PDE1C: variants seen among roughly 807,000 people sequenced by gnomAD.
PDE1C encodes the protein phosphodiesterase 1C.
A neutral mutation model predicts 93.1 loss-of-function variants in PDE1C; 62 were observed. The ratio of observed to expected loss-of-function variants is 0.67; its 90% CI spans 0.54 to 0.82. The LOEUF (loss-of-function observed/expected upper bound fraction) is 0.82. Ranked by LOEUF, PDE1C falls within the 40% of genes least tolerant of loss-of-function variation. PDE1C has a pLI of 0.00. For synonymous variants in PDE1C, 325 were observed against 310.1 expected, an observed-to-expected ratio of 1.05 and a Z score of -0.50; for missense variants, 742 against 884.6, an observed-to-expected ratio of 0.84 and a Z score of 2.04.
the PDE1C span, among the ~76,000 whole-genome samples, chr7:31,634,988 G>A: frequency 4.6e-5 from 7 of 152,276 alleles, no homozygotes; most frequent in South Asian, 2.1e-4. Context: ...TTGGCCAGGC[G>A]TGCTGGTACC....
In PDE1C at chr7:32,081,190, T is replaced by A. The variant is rs115660169; in HGVS notation, c.308+88595A>T. On this transcript the variant is annotated intron_variant, in intron 3 of 18. Coordinates refer to the PDE1C transcript ENST00000396193. Reference sequence around the variant, plus strand: ...AAGAAATGAAAATTGTTCTCCTCAATGGGATTTAGGAAGCACTTGGGAATT... The same window carrying A: ...AAGAAATGAAAATTGTTCTCCTCAAAGGGATTTAGGAAGCACTTGGGAATT... Among the ~76,000 whole-genome samples, 193 of 152,302 alleles carry A rather than the reference T, an allele frequency of 1.3e-3. 1 individual carries two copies. Among genetic ancestry groups the A allele is most frequent in the African/African-American group, 4.5e-3 (187 of 41,566 alleles).
chr7:32,192,063 G>A (rs528649420), intron 2 of PDE1C, among the ~76,000 whole-genome samples: 4 of 151,896 alleles, frequency 2.6e-5, no homozygotes, highest in Admixed American at 1.3e-4. Flanking sequence ...AAAATGCATC[G>A]TTTGCTTTTT....
chr7:31,732,011 G>C, the PDE1C span, among the ~76,000 whole-genome samples: 1 of 152,194 alleles, frequency 6.6e-6, no homozygotes, highest in Admixed American at 6.5e-5. Flanking sequence ...CAACCCAGAT[G>C]GATTGCTTCC....
intron 2 of PDE1C, among the ~76,000 whole-genome samples, chr7:31,998,269 T>A (rs1298447177): frequency 6.6e-6 from 1 of 152,184 alleles, no homozygotes; most frequent in Non-Finnish European, 1.5e-5. Context: ...TTCTCCCGCC[T>A]TGGCCTCCCA....
the PDE1C span, among the ~76,000 whole-genome samples, chr7:31,660,999 T>C: frequency 2.6e-5 from 4 of 152,048 alleles, no homozygotes; most frequent in African/African-American, 9.6e-5. Context: ...TAAAAAGAAA[T>C]GTGATGAAGT....
chr7:31,963,446 T>A (rs996702040), intron 2 of PDE1C, among the ~76,000 whole-genome samples: 1 of 152,244 alleles, frequency 6.6e-6, no homozygotes, highest in Non-Finnish European at 1.5e-5. Context: ...TCAGTCTTTA[T>A]GTCCCACAGT....
intron 2 of PDE1C, among the ~76,000 whole-genome samples, chr7:31,884,339 G>A (rs532107284): frequency 1.3e-5 from 2 of 152,034 alleles, no homozygotes; most frequent in Non-Finnish European, 2.9e-5. Context: ...AGCATCTGCT[G>A]TGTGTTCAAT....
intron 1 of PDE1C, among the ~76,000 whole-genome samples, chr7:32,365,715 C>T (rs1784218208): frequency 6.6e-6 from 1 of 152,186 alleles, no homozygotes; most frequent in South Asian, 2.1e-4. Flanking sequence ...ATGGTCAACC[C>T]ACCATGTGCA....
intron 2 of PDE1C, among the ~76,000 whole-genome samples, chr7:31,888,606 A>C (rs1228451191): frequency 6.6e-6 from 1 of 152,130 alleles, no homozygotes; most frequent in Non-Finnish European, 1.5e-5. Flanking sequence ...GATACATTTA[A>C]AAATTTAGAT....
intron 15 of PDE1C, among the ~76,000 whole-genome samples, chr7:31,812,007 A>G (rs1275856366): frequency 6.6e-6 from 1 of 152,098 alleles, no homozygotes; most frequent in Non-Finnish European, 1.5e-5. Context: ...GTAATTTCCC[A>G]TGGGTTGTAT....
intron 16 of PDE1C, among the ~76,000 whole-genome samples, chr7:31,800,902 T>G (rs1785929961): frequency 6.6e-6 from 1 of 151,270 alleles, no homozygotes. Flanking sequence ...TAAATAACTC[T>G]TAGGTCAATG....
At chr7:31,962,908 T>C (rs561763894) in intron 2 of PDE1C, among the ~76,000 whole-genome samples, 44 of 152,186 alleles carry the variant, frequency 2.9e-4, no homozygotes, top group African/African-American at 1.1e-3. Context: ...CATGAACACA[T>C]CAAAAGGCTT....
intron 16 of PDE1C, among the ~76,000 whole-genome samples, chr7:31,777,552 C>G (rs1287463721): frequency 6.6e-5 from 10 of 151,824 alleles, no homozygotes; most frequent in Admixed American, 5.2e-4. Context: ...TGGTCTCAAA[C>G]TCCTAACCTC....
At chr7:31,766,077 A>T (rs1181307222) in intron 17 of PDE1C, among the ~76,000 whole-genome samples, 1 of 152,182 alleles carries the variant, frequency 6.6e-6, no homozygotes, top group African/African-American at 2.4e-5. Flanking sequence ...GTAGATATGC[A>T]ATAAATGTTA....
chr7:32,150,790 C>G (rs1801196402), intron 3 of PDE1C, among the ~76,000 whole-genome samples: 1 of 152,156 alleles, frequency 6.6e-6, no homozygotes, highest in Non-Finnish European at 1.5e-5. Flanking sequence ...TTGAATGCTT[C>G]CTAGTACTAG....
At chr7:31,652,425 C>G in the PDE1C span, 12 of 1,472,138 alleles carry the variant, frequency 8.2e-6, no homozygotes, top group East Asian at 3.0e-4. Context: ...AGAGAATCGA[C>G]CACCTCATAA....
chr7:32,219,104 G>A (rs552589912), intron 1 of PDE1C, among the ~76,000 whole-genome samples: 12 of 152,350 alleles, frequency 7.9e-5, no homozygotes, highest in African/African-American at 2.6e-4. Context: ...CTGACTTCAG[G>A]AAACTTGAGA....
At chr7:32,032,398 C>T (rs1284773311) in intron 2 of PDE1C, among the ~76,000 whole-genome samples, 1 of 152,186 alleles carries the variant, frequency 6.6e-6, no homozygotes, top group African/African-American at 2.4e-5. Flanking sequence ...CGTAGAGTGT[C>T]CCCATCTCTC....
At chr7:32,086,214 A>T (rs940090506) in intron 3 of PDE1C, among the ~76,000 whole-genome samples, 4 of 144,412 alleles carry the variant, frequency 2.8e-5, no homozygotes, top group Non-Finnish European at 6.1e-5. Context: ...CCAATAACAG[A>T]CAAACAGAGA....
Sources: gnomAD v4.1 joint callset for allele counts (sites outside exome capture counted in the v4.1 genomes callset) on GRCh38, gnomAD v4.1.1 for gene constraint, MANE v1.5 for transcripts, NCBI Gene and HGNC (gene_info 2026-07-23, HGNC 2026-07-21) for gene names.